USO1: variants seen among roughly 807,000 people sequenced by gnomAD.
USO1 encodes the protein USO1 vesicle transport factor.
Under a neutral mutation model 124.5 loss-of-function variants are expected in USO1, and 57 were observed. That is an observed-to-expected ratio of 0.46 (90% confidence interval 0.37 to 0.57). USO1 has a LOEUF of 0.57. Ranked by LOEUF, USO1 falls within the 20% of genes least tolerant of loss-of-function variation. The pLI is 0.00. For missense variants in USO1, 900 were observed against 1,040.6 expected (o/e 0.86, Z 1.86); for synonymous variants, 369 against 362.8 (o/e 1.02, Z -0.19).
intron 1 of USO1, chr4:75,729,999 G>A (rs1338428389): frequency 8.4e-6 from 3 of 358,956 alleles, no homozygotes; most frequent in Non-Finnish European, 1.6e-5. Flanking sequence ...TTCCTATTTG[G>A]GTTGATGTAT....
intron 21 of USO1, 143 bp downstream of exon 21, chr4:75,809,194 G>T (rs1577977035): frequency 2.0e-6 from 2 of 998,774 alleles, no homozygotes; most frequent in Non-Finnish European, 1.4e-6. Flanking sequence ...AGTAACATAG[G>T]CTTCATGTTC....
chr4:75,793,546 T>C lies in USO1; in HGVS notation c.1241-144T>C. On this transcript the variant is annotated intron_variant, in intron 12 of 23. Coordinates refer to ENST00000514213, the MANE Select transcript of USO1 (RefSeq NM_003715.4). ...AGACTTTTATCATTTTGAAAGTATATTTAATACTACTCATTAATACATGTT... is the reference window on the plus strand; with the variant it reads ...AGACTTTTATCATTTTGAAAGTATACTTAATACTACTCATTAATACATGTT... 2.7e-6 allele frequency: 3 copies of C among 1,124,756 alleles called. No individual in the cohort carries two copies. In the South Asian group the frequency reaches 5.1e-5, roughly 19 times the overall value. 69.7% of individuals were successfully genotyped at this position (1,124,756 alleles called of 1,614,324 possible).
chr4:75,773,772 A>G (rs1007506295), intron 7 of USO1, among the ~76,000 whole-genome samples: 3 of 152,222 alleles, frequency 2.0e-5, no homozygotes, highest in African/African-American at 7.2e-5. Flanking sequence ...AATGAGTGGA[A>G]TAAGCCCAAT....
chr4:75,731,636 CTA>C (rs1289600743), intron 1 of USO1, among the ~76,000 whole-genome samples: 5 of 151,842 alleles, frequency 3.3e-5, no homozygotes, highest in South Asian at 4.1e-4. Flanking sequence ...AGTGAATTGA[CTA>C]TTAGCATGAA....
At chr4:75,771,002 T>C in intron 6 of USO1, 78 bp downstream of exon 6, 1 of 1,596,854 alleles carries the variant, frequency 6.3e-7, no homozygotes, top group Non-Finnish European at 8.5e-7. Flanking sequence ...TGAAATGGTG[T>C]GTTAGTAAAT....
intron 19 of USO1, among the ~76,000 whole-genome samples, 180 bp downstream of exon 19, chr4:75,805,483 G>T (rs1028510482): frequency 6.6e-6 from 1 of 152,070 alleles, no homozygotes; most frequent in Non-Finnish European, 1.5e-5. Context: ...GAGGTGGGCG[G>T]ATCACCTGAG....
At position 75,813,567 on chromosome 4, in the gene USO1, A is replaced by G. The variant is rs1723210669; in HGVS notation, c.*272A>G. On this transcript the variant is annotated 3_prime_UTR_variant, in exon 24 of 24. Coordinates refer to ENST00000514213, the MANE Select transcript of USO1 (RefSeq NM_003715.4). ...CAAACACCAAAAATATACCATTTTAAGGCATGTGGTGACAATGCTATTTGC... is the reference window on the plus strand; with the variant it reads ...CAAACACCAAAAATATACCATTTTAGGGCATGTGGTGACAATGCTATTTGC... 4.0e-6 allele frequency: 1 copy of G among 247,514 alleles called. No homozygotes were observed. The highest frequency in any genetic ancestry group is 2.2e-5 in the African/African-American group (1 of 44,674). The allele number at this position is 247,514 out of a possible 1,614,324, so 15.3% of individuals were successfully genotyped here.
At position 75,774,658 on chromosome 4, in the gene USO1, TCTC is replaced by T. The variant is rs1722022404; in HGVS notation, c.556-17_556-15del. 1.1e-5 allele frequency: 3 copies of T among 272,182 alleles called. No individual in the cohort carries two copies. The highest frequency in any genetic ancestry group is 1.2e-4 in the South Asian group (2 of 17,148). 16.9% of individuals were successfully genotyped at this position (272,182 alleles called of 1,614,324 possible). On this transcript the variant is annotated splice_polypyrimidine_tract_variant and intron_variant, in intron 7 of 23. Transcript: ENST00000514213. ...ATAAATTTTGTACTCCACTAAACAT[TCTC>T]TTTCTTCTCTATAGGGCGTCTTACT...
In USO1 at chr4:75,813,317, T is replaced by C. The variant is rs530897497; in HGVS notation, c.*22T>C. On this transcript the variant is annotated 3_prime_UTR_variant, in exon 24 of 24. Transcript: ENST00000514213. ...CTAGTTTTCAAATCTCTAGGAACAA[T>C]AGAGATTATATCATAACTCTGAAGA... 45 of 1,567,568 alleles carry C rather than the reference T, an allele frequency of 2.9e-5. No homozygotes were observed. The South Asian group carries it at 4.8e-4, about 17-fold the overall frequency.
chr4:75,799,541 A>C, intron 13 of USO1, 81 bp from the exon 14 acceptor site: 2 of 1,494,524 alleles, frequency 1.3e-6, no homozygotes, highest in Non-Finnish European at 1.8e-6. Flanking sequence ...TTTTCATGCA[A>C]ATGGAAGGGA....
intron 13 of USO1, among the ~76,000 whole-genome samples, chr4:75,797,730 C>G (rs1159101213): frequency 1.3e-5 from 2 of 151,902 alleles, no homozygotes; most frequent in African/African-American, 4.8e-5. Context: ...CAACCTCTAC[C>G]TCCCAGATTC....
intron 1 of USO1, among the ~76,000 whole-genome samples, chr4:75,728,527 A>G (rs1197757763): frequency 6.6e-6 from 1 of 152,122 alleles, no homozygotes; most frequent in African/African-American, 2.4e-5. Context: ...GCACATGCCT[A>G]TAATCTCAGC....
At chr4:75,727,933 T>A (rs1025764506) in intron 1 of USO1, among the ~76,000 whole-genome samples, 4 of 134,018 alleles carry the variant, frequency 3.0e-5, no homozygotes, top group African/African-American at 1.0e-4. Context: ...TGTGCATATA[T>A]CTTATTCCTT....
chr4:75,760,085 A>G (rs897646933), intron 4 of USO1, among the ~76,000 whole-genome samples: 2 of 151,866 alleles, frequency 1.3e-5, no homozygotes, highest in African/African-American at 4.8e-5. Context: ...GGTGGTGCAC[A>G]CCTGTAATCC....
At chr4:75,783,820 C>A (rs912579904) in intron 9 of USO1, among the ~76,000 whole-genome samples, 14 of 152,078 alleles carry the variant, frequency 9.2e-5, no homozygotes, top group Non-Finnish European at 1.6e-4. Flanking sequence ...TATGCAGTTA[C>A]CCTAGTTAGA....
At chr4:75,778,502 C>A (rs324705) in intron 8 of USO1, among the ~76,000 whole-genome samples, 1 of 152,138 alleles carries the variant, frequency 6.6e-6, no homozygotes, top group Admixed American at 6.5e-5. Context: ...AGTGGACCCA[C>A]GCAGTTCAAA....
intron 9 of USO1, among the ~76,000 whole-genome samples, chr4:75,786,401 A>G (rs1237501120): frequency 6.6e-6 from 1 of 152,168 alleles, no homozygotes; most frequent in Non-Finnish European, 1.5e-5. Flanking sequence ...ATATATATAC[A>G]CATAACTCTA....
intron 3 of USO1, among the ~76,000 whole-genome samples, chr4:75,756,285 G>A (rs943129376): frequency 6.6e-6 from 1 of 151,912 alleles, no homozygotes; most frequent in East Asian, 1.9e-4. Context: ...AGAAGGAGCC[G>A]TGAGCCAGAG....
At chr4:75,801,042 C>A in intron 16 of USO1, 37 bp from the exon 17 acceptor site, 1 of 1,468,870 alleles carries the variant, frequency 6.8e-7, no homozygotes, top group Non-Finnish European at 9.1e-7. Flanking sequence ...GTATTTAAAA[C>A]ATTTAAAACA....
Sources: gnomAD v4.1 joint callset for allele counts (sites outside exome capture counted in the v4.1 genomes callset) on GRCh38, gnomAD v4.1.1 for gene constraint, MANE v1.5 for transcripts, NCBI Gene and HGNC (gene_info 2026-07-23, HGNC 2026-07-21) for gene names.